COL25A1: variants seen among roughly 807,000 people sequenced by gnomAD.
The protein encoded by COL25A1 is collagen type XXV alpha 1 chain, also known as collagen alpha-1(XXV) chain.
COL25A1 carries 103 observed loss-of-function variants against 128.4 expected under a neutral mutation model. The ratio of observed to expected loss-of-function variants is 0.80; its 90% CI spans 0.68 to 0.94. COL25A1 has a LOEUF of 0.94. Ranked by LOEUF, COL25A1 falls within the 40% of genes least tolerant of loss-of-function variation. The pLI, the probability that COL25A1 is intolerant of heterozygous loss-of-function variation, is 0.00. For synonymous variants in COL25A1, 279 were observed against 277.2 expected (o/e 1.01, Z -0.06); for missense variants, 745 against 840.0 (o/e 0.89, Z 1.40).
chr4:108,897,245 A>G (rs1742250769), intron 15 of COL25A1, among the ~76,000 whole-genome samples: 2 of 152,200 alleles, frequency 1.3e-5, no homozygotes, highest in African/African-American at 4.8e-5. Context: ...CTGGGCCTAC[A>G]TGGTTTGCAT....
intron 3 of COL25A1, among the ~76,000 whole-genome samples, chr4:109,169,244 T>C (rs1347990827): frequency 6.6e-6 from 1 of 152,156 alleles, no homozygotes; most frequent in African/African-American, 2.4e-5. Context: ...GTACATACAA[T>C]TTACTTTGCT....
At chr4:109,185,424 T>C (rs774789015) in intron 3 of COL25A1, among the ~76,000 whole-genome samples, 1 of 152,202 alleles carries the variant, frequency 6.6e-6, no homozygotes, top group Non-Finnish European at 1.5e-5. Flanking sequence ...AACTTCTCTA[T>C]GGATAATCAG....
chr4:109,007,077 T>C (rs1477729318), intron 6 of COL25A1, among the ~76,000 whole-genome samples: 1 of 152,062 alleles, frequency 6.6e-6, no homozygotes, highest in Non-Finnish European at 1.5e-5. Context: ...AAGTTGAAGA[T>C]AAATAAAAAT....
chr4:108,922,517 G>T (rs1283021737), intron 11 of COL25A1, among the ~76,000 whole-genome samples: 1 of 151,922 alleles, frequency 6.6e-6, no homozygotes, highest in African/African-American at 2.4e-5. Context: ...ATATAACCCC[G>T]GAAGGGAATA....
chr4:108,947,113 AGCCAAGGGACAGCAGTTGGACAC>A (rs1446905767), intron 8 of COL25A1, among the ~76,000 whole-genome samples: 2 of 152,202 alleles, frequency 1.3e-5, no homozygotes, highest in African/African-American at 2.4e-5. Context: ...GTCTGTGGAC[AGCCAAGGGACAGCAGTTGGACAC>A]GCATATAAAA....
chr4:108,836,160 G>A (rs1053934120), intron 31 of COL25A1, among the ~76,000 whole-genome samples: 1 of 151,912 alleles, frequency 6.6e-6, no homozygotes, highest in Middle Eastern at 3.4e-3. Context: ...ATGAGCCACC[G>A]TGCCCGGCCT....
intron 3 of COL25A1, among the ~76,000 whole-genome samples, chr4:109,291,432 T>C (rs1289471567): frequency 6.6e-6 from 1 of 152,092 alleles, no homozygotes; most frequent in African/African-American, 2.4e-5. Flanking sequence ...ATCATTTTTA[T>C]ACACAACCAA....
chr4:109,158,819 G>A (rs909953844), intron 3 of COL25A1, among the ~76,000 whole-genome samples: 14 of 152,082 alleles, frequency 9.2e-5, no homozygotes. Flanking sequence ...AGGAAGAAAT[G>A]GTTATGTGTT....
At chr4:109,100,636 C>G (rs1312609022) in intron 3 of COL25A1, among the ~76,000 whole-genome samples, 1 of 152,150 alleles carries the variant, frequency 6.6e-6, no homozygotes. Flanking sequence ...TGTAGCATTT[C>G]TATACCTAAA....
chr4:108,844,457 T>G (rs574224236), intron 30 of COL25A1, 62 bp downstream of exon 30: 2 of 1,613,716 alleles, frequency 1.2e-6, no homozygotes, highest in Non-Finnish European at 8.5e-7. Context: ...GATGTGTTCA[T>G]GTTCTCTCTA....
chr4:109,206,538 G>C (rs879739307), intron 3 of COL25A1, among the ~76,000 whole-genome samples: 9 of 152,080 alleles, frequency 5.9e-5, no homozygotes, highest in South Asian at 4.1e-4. Context: ...CAAACTTTTG[G>C]TACTGAAGGA....
intron 26 of COL25A1, among the ~76,000 whole-genome samples, chr4:108,849,821 T>C (rs781055098): frequency 6.6e-6 from 1 of 152,130 alleles, no homozygotes; most frequent in Non-Finnish European, 1.5e-5. Context: ...AATATTGAAA[T>C]GGTTAGAGCT....
chr4:109,109,290 T>C (rs1199986626), intron 3 of COL25A1, among the ~76,000 whole-genome samples: 1 of 152,142 alleles, frequency 6.6e-6, no homozygotes, highest in Non-Finnish European at 1.5e-5. Context: ...TACCCAGAAA[T>C]CGGAATTTCT....
chr4:108,816,407 CA>C (rs776990815), intron 37 of COL25A1, among the ~76,000 whole-genome samples: 3 of 152,158 alleles, frequency 2.0e-5, no homozygotes, highest in Non-Finnish European at 4.4e-5. Flanking sequence ...GAAGAAGCCA[CA>C]AGGTGCTGGA....
At chr4:109,248,275 T>A (rs905089499) in intron 3 of COL25A1, among the ~76,000 whole-genome samples, 1 of 152,142 alleles carries the variant, frequency 6.6e-6, no homozygotes, top group Non-Finnish European at 1.5e-5. Context: ...TTTCCTTTTT[T>A]AGACTCTCAA....
Position 108,811,706 on chromosome 4 carries a change from T to C in COL25A1, c.*2221A>G, listed in dbSNP as rs774661723. On this transcript the variant is annotated 3_prime_UTR_variant, in exon 38 of 38. Transcript: ENST00000399132. ...TCCTAACACCATGCCATACAAGAAA[T>C]TGTTAGAAAATGTCCTCCATTATTT... 6.6e-6 allele frequency: 1 copy of C among 152,098 alleles called. No individual in the cohort carries two copies. Among genetic ancestry groups the C allele is most frequent in the Non-Finnish European group, 1.5e-5 (1 of 67,990 alleles). 9.4% of individuals were successfully genotyped at this position (152,098 alleles called of 1,614,324 possible).
At chr4:109,060,850 G>A (rs958697773) in intron 3 of COL25A1, among the ~76,000 whole-genome samples, 1 of 151,970 alleles carries the variant, frequency 6.6e-6, no homozygotes, top group African/African-American at 2.4e-5. Flanking sequence ...TGTTTCATCA[G>A]TATTTTTTCT....
intron 3 of COL25A1, among the ~76,000 whole-genome samples, chr4:109,130,059 G>A (rs926232125): frequency 1.3e-5 from 2 of 149,166 alleles, no homozygotes; most frequent in Admixed American, 1.3e-4. Context: ...GATAACAGAT[G>A]AAAATTCCTT....
At chr4:108,888,612 T>TA in intron 18 of COL25A1, among the ~76,000 whole-genome samples, 4 of 152,154 alleles carry the variant, frequency 2.6e-5, no homozygotes. Flanking sequence ...GACATACAAA[T>TA]AAAAAAACAA....
Sources: gnomAD v4.1 joint callset for allele counts (sites outside exome capture counted in the v4.1 genomes callset) on GRCh38, gnomAD v4.1.1 for gene constraint, MANE v1.5 for transcripts, NCBI Gene and HGNC (gene_info 2026-07-23, HGNC 2026-07-21) for gene names.